Variants in PADI1 observed in about 807,000 individuals in gnomAD.
PADI1 encodes the protein protein-arginine deiminase type-1.
In PADI1, 65 loss-of-function variants were observed where a neutral mutation model predicts 74.8. The ratio of observed to expected loss-of-function variants is 0.87; its 90% confidence interval spans 0.71 to 1.07. The LOEUF (loss-of-function observed/expected upper bound fraction) is 1.07. Ranked by LOEUF, PADI1 falls within the 50% of genes least tolerant of loss-of-function variation. The pLI is 0.00. For missense variants in PADI1, 943 were observed against 854.0 expected (o/e 1.10, Z -1.30); for synonymous variants, 371 against 336.2 (o/e 1.10, Z -1.13).
intron 15 of PADI1, among the ~76,000 whole-genome samples, chr1:17,242,251 C>A (rs2072792474): frequency 6.6e-6 from 1 of 152,098 alleles, no homozygotes; most frequent in African/African-American, 2.4e-5. Context: ...CAAAATGGAC[C>A]CTGATTGAGA....
At chr1:17,216,582 T>G (rs3115788) in intron 1 of PADI1, among the ~76,000 whole-genome samples, 2 of 151,900 alleles carry the variant, frequency 1.3e-5, no homozygotes, top group Non-Finnish European at 1.5e-5. Context: ...TTTAAAATGC[T>G]TGGTAGGGCT....
At chr1:17,238,810 A>G in intron 13 of PADI1, 101 bp downstream of exon 13, 1 of 509,662 alleles carries the variant, frequency 2.0e-6, no homozygotes, top group Non-Finnish European at 3.3e-6. Flanking sequence ...TGGACTCAGA[A>G]CCCAACACCC....
chr1:17,209,653 A>G (rs912197931), intron 1 of PADI1, among the ~76,000 whole-genome samples: 4 of 150,904 alleles, frequency 2.7e-5, no homozygotes, highest in Non-Finnish European at 5.9e-5. Flanking sequence ...CCTGGATCCT[A>G]GTCTTGGAAT....
intron 8 of PADI1, among the ~76,000 whole-genome samples, 173 bp downstream of exon 8, chr1:17,229,224 C>A (rs1330079059): frequency 6.6e-6 from 1 of 152,204 alleles, no homozygotes; most frequent in African/African-American, 2.4e-5. Context: ...CCTGCCCAAC[C>A]CTGACCCACC....
At chr1:17,219,134 G>A (rs1179315743) in intron 1 of PADI1, among the ~76,000 whole-genome samples, 1 of 152,188 alleles carries the variant, frequency 6.6e-6, no homozygotes, top group East Asian at 1.9e-4. Context: ...GTGCAGAGGG[G>A]GTGGAGAGTT....
At chr1:17,217,703 C>T (rs1047343143) in intron 1 of PADI1, among the ~76,000 whole-genome samples, 1 of 152,206 alleles carries the variant, frequency 6.6e-6, no homozygotes, top group African/African-American at 2.4e-5. Context: ...TATTATGCAG[C>T]TCTTTGAAAC....
chr1:17,240,544 G>C (rs1397935700), intron 14 of PADI1, 91 bp from the exon 15 acceptor site: 1 of 1,436,576 alleles, frequency 7.0e-7, no homozygotes. Flanking sequence ...AGCGGGCCCA[G>C]AGGGCTCCAC....
At chr1:17,230,883 T>C (rs2072472585) in intron 10 of PADI1, among the ~76,000 whole-genome samples, 1 of 152,140 alleles carries the variant, frequency 6.6e-6, no homozygotes. Context: ...CACATGCAAA[T>C]AGGCAGCAGC....
At chr1:17,235,647 G>A (rs539741109) in intron 11 of PADI1, among the ~76,000 whole-genome samples, 34 of 151,350 alleles carry the variant, frequency 2.2e-4, no homozygotes, top group African/African-American at 6.8e-4. Context: ...CAGAGAGCTC[G>A]GAGGATGCAG....
chr1:17,237,718 C>A (rs956765609), intron 12 of PADI1, among the ~76,000 whole-genome samples: 1 of 152,230 alleles, frequency 6.6e-6, no homozygotes, highest in East Asian at 1.9e-4. Flanking sequence ...CTACTATGTG[C>A]CAGATACTCA....
In PADI1 at chr1:17,240,636, A is replaced by T. The variant is rs1266167169; in HGVS notation, c.1634A>T (p.Lys545Ile). The T allele has an allele frequency of 3.7e-5, 59 of 1,613,664 alleles. No homozygotes were observed. The highest frequency in any genetic ancestry group is 5.0e-5 in the Non-Finnish European group (59 of 1,179,788). ...HLQRDNLHAQ[K>I]CIDWNRNVLK... The stretch of plus-strand genomic sequence containing the variant: ...CTGCCCAGCTGCCTCCTTCCCCAGA[A>T]ATGCATTGACTGGAACCGTAATGTG... The change falls in exon 15 of 16, where the codon AAA (lysine) becomes ATA (isoleucine). Residue 545 changes from lysine (K) to isoleucine (I), a missense_variant and splice_region_variant. Lys to Ile is a moderately radical substitution (Grantham distance 102, BLOSUM62 -3). Transcript: ENST00000375471.
rs200003046 is a variant in PADI1 at position 17,230,673 on chromosome 1, G to A, written c.1155G>A (p.Arg385=). The change falls in exon 10 of 16, where the codon AGG becomes AGA. Residue 385 remains arginine, a synonymous_variant. Transcript: ENST00000375471. ...GCCTGAAAGATTTCCCCTATAAGAG[G>A]ATCCTGGTACGTAGCGACAGGTAGA... is the stretch of plus-strand genomic sequence containing the variant. ...NRGLKDFPYK[R]ILGPDFGYVT... The A allele has an allele frequency of 1.3e-6, 2 of 1,594,444 alleles. No individual in the cohort carries two copies. Among genetic ancestry groups the A allele is most frequent in the Non-Finnish European group, 1.7e-6 (2 of 1,163,512 alleles).
At chr1:17,221,951 C>T (rs917689690) in intron 1 of PADI1, among the ~76,000 whole-genome samples, 3 of 152,332 alleles carry the variant, frequency 2.0e-5, no homozygotes, top group Admixed American at 1.3e-4. Context: ...GAAAGCTGCT[C>T]GGTGATCCAG....
At chr1:17,231,196 A>G (rs1569824544) in intron 10 of PADI1, among the ~76,000 whole-genome samples, 1 of 152,142 alleles carries the variant, frequency 6.6e-6, no homozygotes, top group Non-Finnish European at 1.5e-5. Context: ...CTAGCTTTCC[A>G]TGGCTTACCT....
At chr1:17,224,483 G>A in intron 4 of PADI1, 55 bp downstream of exon 4, 3 of 1,330,446 alleles carry the variant, frequency 2.3e-6, no homozygotes, top group Non-Finnish European at 2.1e-6. Context: ...AACTTGGGGT[G>A]GTCCCGGGTG....
At chr1:17,239,640 C>T in intron 13 of PADI1, 64 bp from the exon 14 acceptor site, 8 of 1,232,822 alleles carry the variant, frequency 6.5e-6, no homozygotes, top group South Asian at 1.2e-5. Context: ...TTATGTAGCC[C>T]CAGGCTGAAG....
chr1:17,215,799 C>A (rs1171728591), intron 1 of PADI1, among the ~76,000 whole-genome samples: 1 of 152,090 alleles, frequency 6.6e-6, no homozygotes, highest in Non-Finnish European at 1.5e-5. Flanking sequence ...ATGACAGCAG[C>A]GATGCAGACA....
At position 17,230,633 on chromosome 1, in the gene PADI1, C is replaced by A. The variant is rs2072464060; in HGVS notation, c.1115C>A (p.Ser372Tyr). The A allele has an allele frequency of 1.2e-6, 2 of 1,612,492 alleles. No individual in the cohort carries two copies. The highest frequency in any genetic ancestry group is 8.5e-7 in the Non-Finnish European group (1 of 1,178,862). ...PHKSFPVVFD[S>Y]PRNRGLKDFP... is the part of the protein sequence containing the mutation. ...AAATCCTTCCCCGTGGTCTTTGACT[C>A]CCCCAGGAACAGGGGCCTGAAAGAT... The change falls in exon 10 of 16, where the codon TCC (serine) becomes TAC (tyrosine). Residue 372 changes from serine to tyrosine, a missense_variant. Coordinates refer to ENST00000375471, the MANE Select transcript of PADI1 (RefSeq NM_013358.3).
Position 17,224,384 on chromosome 1 carries a change from G to GACACAGGCC in PADI1, c.365_373dup (p.Gly124_Arg125insHisThrGly). ...CTTTGCAGATATTTCCCTTGAGGTT[G>GACACAGGCC]ACACAGGCCGCACAGGCAAGGTGAA... On this transcript the variant is annotated inframe_insertion, in exon 4 of 16. Coordinates refer to ENST00000375471, the MANE Select transcript of PADI1 (RefSeq NM_013358.3). 1 of 1,613,936 alleles carries GACACAGGCC rather than the reference G, an allele frequency of 6.2e-7. No homozygotes were observed. Among genetic ancestry groups the GACACAGGCC allele is most frequent in the Non-Finnish European group, 8.5e-7 (1 of 1,179,902 alleles).
Sources: allele counts gnomAD v4.1 joint callset (sites outside exome capture counted in the v4.1 genomes callset), GRCh38; gene constraint gnomAD v4.1.1; transcripts MANE v1.5; gene names NCBI Gene and HGNC (gene_info 2026-07-23, HGNC 2026-07-21).